The following FAM228B variants were observed in gnomAD, a reference collection of about 807,000 sequenced individuals.
FAM228B encodes the protein family with sequence similarity 228 member B, also known as protein FAM228B.
In FAM228B, 38 loss-of-function variants were observed where a neutral mutation model predicts 42.6. That is an observed-to-expected ratio of 0.89 (90% CI 0.69 to 1.17). FAM228B has a LOEUF of 1.17. Ranked by LOEUF, FAM228B falls within the 50% of genes most tolerant of loss-of-function variation. FAM228B has a pLI of 0.00. For missense variants in FAM228B, 344 were observed against 367.3 expected, an observed-to-expected ratio of 0.94 and a Z score of 0.52; for synonymous variants, 109 against 122.3, an observed-to-expected ratio of 0.89 and a Z score of 0.72.
At chr2:24,152,929 C>T (rs1254036552) in intron 7 of FAM228B, among the ~76,000 whole-genome samples, 4 of 152,126 alleles carry the variant, frequency 2.6e-5, no homozygotes, top group Non-Finnish European at 5.9e-5. Context: ...CCACTCTTCC[C>T]TCCCCTTTAC....
At chr2:24,137,771 A>G (rs1469881335) in intron 3 of FAM228B, 138 bp from the exon 4 acceptor site, 3 of 608,086 alleles carry the variant, frequency 4.9e-6, no homozygotes, top group Non-Finnish European at 8.4e-6. Context: ...TTAAAGCCAA[A>G]GAAACGATTG....
chr2:24,160,895 GAC>G, intron 7 of FAM228B, among the ~76,000 whole-genome samples: 1 of 152,290 alleles, frequency 6.6e-6, no homozygotes, highest in East Asian at 1.9e-4. Flanking sequence ...GCTTATAAAT[GAC>G]ACAATTTCTG....
At chr2:24,094,935 A>G (rs1665465265) in intron 2 of FAM228B, among the ~76,000 whole-genome samples, 1 of 152,142 alleles carries the variant, frequency 6.6e-6, no homozygotes, top group Non-Finnish European at 1.5e-5. Context: ...TCTACTAAAA[A>G]TACCAAAAAA....
intron 7 of FAM228B, among the ~76,000 whole-genome samples, chr2:24,153,746 G>T (rs542212761): frequency 6.6e-6 from 1 of 152,280 alleles, no homozygotes; most frequent in South Asian, 2.1e-4. Flanking sequence ...TTCTGGCTCT[G>T]AGCTCAGCCC....
Position 24,084,278 on chromosome 2 carries a change from C to T in FAM228B, c.-210+3323C>T, listed in dbSNP as rs767492733. On this transcript the variant is annotated intron_variant, in intron 2 of 10. Coordinates refer to the FAM228B transcript ENST00000613899. The surrounding 1 kb of genome is among the most constrained non-coding windows in gnomAD (Gnocchi z 8.4). ...GGGCTCGGCTTGGCCACCTCCTTCACGTAGAGGTTTTCCGGTCCTCCCGGC... is the reference window on the plus strand; with the variant it reads ...GGGCTCGGCTTGGCCACCTCCTTCATGTAGAGGTTTTCCGGTCCTCCCGGC... The T allele has an allele frequency of 6.2e-7, 1 of 1,614,082 alleles. No individual in the cohort carries two copies. Among genetic ancestry groups the T allele is most frequent in the South Asian group, 1.1e-5 (1 of 91,084 alleles).
intron 5 of FAM228B, among the ~76,000 whole-genome samples, chr2:24,144,381 G>A (rs776060424): frequency 3.9e-5 from 6 of 152,158 alleles, no homozygotes; most frequent in Non-Finnish European, 8.8e-5. Flanking sequence ...AAGCTGCGGT[G>A]AGCCACTGCA....
chr2:24,164,135 A>G, intron 8 of FAM228B, 63 bp from the exon 9 acceptor site: 4 of 1,377,574 alleles, frequency 2.9e-6, no homozygotes, highest in Non-Finnish European at 3.9e-6. Flanking sequence ...AAATAAAAAT[A>G]TTAAGTGCTA....
chr2:24,084,417 AGGGGCC>A lies in FAM228B; in HGVS notation c.-210+3464_-210+3469del, dbSNP rs1168763450. The A allele has an allele frequency of 3.9e-5, 56 of 1,420,330 alleles. No homozygotes were observed. Among genetic ancestry groups the A allele is most frequent in the African/African-American group, 4.3e-5 (3 of 69,234 alleles). The allele number at this position is 1,420,330 out of a possible 1,614,324, so 88.0% of individuals were successfully genotyped here. On this transcript the variant is annotated intron_variant, in intron 2 of 10. Transcript: ENST00000613899. The surrounding 1 kb of genome is among the most constrained non-coding windows in gnomAD (Gnocchi z 8.4). ...AGGGCAGGGCAGGACAGGACAGGGC[AGGGGCC>A]GCTGTATCCTCGCGGAGCAGCCCAG... is the stretch of plus-strand genomic sequence containing the variant.
intron 7 of FAM228B, among the ~76,000 whole-genome samples, chr2:24,152,985 A>G (rs1667057838): frequency 6.6e-6 from 1 of 152,122 alleles, no homozygotes; most frequent in Non-Finnish European, 1.5e-5. Context: ...CCACTGGTCT[A>G]TGGGGATTCT....
At chr2:24,128,524 G>A (rs916556240) in intron 2 of FAM228B, among the ~76,000 whole-genome samples, 12 of 152,256 alleles carry the variant, frequency 7.9e-5, no homozygotes, top group African/African-American at 2.9e-4. Flanking sequence ...TTTGGGGGCA[G>A]TTTTGGTTAA....
At chr2:24,103,992 T>C (rs1213228521) in intron 3 of FAM228B, among the ~76,000 whole-genome samples, 1 of 152,208 alleles carries the variant, frequency 6.6e-6, no homozygotes, top group African/African-American at 2.4e-5. Context: ...AGGCAGCTCA[T>C]GTGTGCTGCT....
chr2:24,111,547 G>A (rs937130346), intron 3 of FAM228B, among the ~76,000 whole-genome samples: 3 of 152,028 alleles, frequency 2.0e-5, no homozygotes, highest in Non-Finnish European at 4.4e-5. Context: ...TTGGGCCTTG[G>A]CATCCCTGTC....
At chr2:24,126,926 A>G (rs777357091) in intron 2 of FAM228B, among the ~76,000 whole-genome samples, 1 of 152,176 alleles carries the variant, frequency 6.6e-6, no homozygotes, top group Non-Finnish European at 1.5e-5. Flanking sequence ...GCGCCCGGCC[A>G]AGATTCACTA....
intron 3 of FAM228B, among the ~76,000 whole-genome samples, chr2:24,100,805 T>C (rs1184610793): frequency 6.6e-6 from 1 of 152,094 alleles, no homozygotes; most frequent in Non-Finnish European, 1.5e-5. Context: ...TATAAAGACA[T>C]ATGCACACGT....
At chr2:24,086,108 G>A (rs1665238397) in intron 2 of FAM228B, among the ~76,000 whole-genome samples, 1 of 151,842 alleles carries the variant, frequency 6.6e-6, no homozygotes, top group Non-Finnish European at 1.5e-5. Flanking sequence ...GGTGGCGGGC[G>A]CCTGTAGTCC....
chr2:24,082,170 AT>A (rs1665036216), intron 2 of FAM228B, among the ~76,000 whole-genome samples: 1 of 151,970 alleles, frequency 6.6e-6, no homozygotes, highest in African/African-American at 2.4e-5. Flanking sequence ...TAATTTTTGT[AT>A]TTTTTGTAGA....
chr2:24,119,375 A>G (rs895880092), upstream of FAM228B, among the ~76,000 whole-genome samples: 5 of 152,242 alleles, frequency 3.3e-5, no homozygotes, highest in Admixed American at 2.0e-4. Flanking sequence ...ACAGAATCCT[A>G]GCAGTGTTCC....
chr2:24,096,063 A>C (rs1665491678), intron 3 of FAM228B: 1 of 152,258 alleles, frequency 6.6e-6, no homozygotes, highest in Non-Finnish European at 1.5e-5. Context: ...GGAAAACTGA[A>C]AAACAGAAAG....
chr2:24,081,263 T>C (rs899630009), intron 2 of FAM228B, among the ~76,000 whole-genome samples: 2 of 152,238 alleles, frequency 1.3e-5, no homozygotes, highest in African/African-American at 4.8e-5. Context: ...CGACCTTTTC[T>C]GTCTTATTGC....
Sources: allele counts gnomAD v4.1 joint callset (sites outside exome capture counted in the v4.1 genomes callset), GRCh38; gene constraint gnomAD v4.1.1; non-coding constraint Gnocchi (gnomAD v3.1); transcripts MANE v1.5; gene names NCBI Gene and HGNC (gene_info 2026-07-23, HGNC 2026-07-21).